The following TMEM51 variants were observed in gnomAD, a reference collection of about 807,000 sequenced individuals.
The protein encoded by TMEM51 is transmembrane protein 51.
A neutral mutation model predicts 13.6 loss-of-function variants in TMEM51; 8 were observed. The ratio of observed to expected loss-of-function variants is 0.59; its 90% confidence interval spans 0.35 to 1.07. TMEM51 has a LOEUF of 1.07. Ranked by LOEUF, TMEM51 falls within the 50% of genes least tolerant of loss-of-function variation. The probability of loss-of-function intolerance (pLI) is 0.02; values close to 1 mark genes in which losing one functional copy is unlikely to be tolerated. For missense variants in TMEM51, 279 were observed against 330.7 expected, an observed-to-expected ratio of 0.84 and a Z score of 1.21; for synonymous variants, 147 against 144.4, an observed-to-expected ratio of 1.02 and a Z score of -0.13.
rs1440728650 is a variant in TMEM51 at position 15,171,009 on chromosome 1, C to T, written c.-267+17055C>T. ...TCCCTAGAGGCAGGTTTTCTAAATG[C>T]TTGCATGAGTGGTTCTCCATCTTCA... On this transcript the variant is annotated intron_variant, in intron 1 of 3. Coordinates refer to ENST00000376008, the MANE Select transcript of TMEM51 (RefSeq NM_001136218.2). Among the ~76,000 whole-genome samples the T allele has an allele frequency of 3.3e-5, 5 of 152,174 alleles. No homozygotes were observed. The South Asian group carries it at 1.0e-3, about 32-fold the overall frequency.
At chr1:15,198,259 T>A (rs1239453554) in intron 1 of TMEM51, among the ~76,000 whole-genome samples, 1 of 152,134 alleles carries the variant, frequency 6.6e-6, no homozygotes, top group East Asian at 1.9e-4. Context: ...CCTGCTTATA[T>A]CCCATTGGCC....
chr1:15,204,626 A>G (rs1363284866), intron 1 of TMEM51, among the ~76,000 whole-genome samples: 1 of 152,190 alleles, frequency 6.6e-6, no homozygotes, highest in Non-Finnish European at 1.5e-5. Context: ...GGCCTAAACA[A>G]GGGGCTTTGT....
At chr1:15,203,345 C>T (rs540069161) in intron 1 of TMEM51, among the ~76,000 whole-genome samples, 4 of 152,250 alleles carry the variant, frequency 2.6e-5, no homozygotes, top group African/African-American at 9.6e-5. Flanking sequence ...ACCTCCGCCT[C>T]CCTGGTTCAA....
chr1:15,185,116 A>T (rs184038952), intron 1 of TMEM51, among the ~76,000 whole-genome samples: 46 of 151,648 alleles, frequency 3.0e-4, no homozygotes, highest in Non-Finnish European at 5.6e-4. Flanking sequence ...TTCTGTGCGT[A>T]TACGCAGATT....
At chr1:15,212,952 C>T (rs1213977141) in intron 2 of TMEM51, among the ~76,000 whole-genome samples, 1 of 152,246 alleles carries the variant, frequency 6.6e-6, no homozygotes, top group South Asian at 2.1e-4. Context: ...CCAGTGCGTT[C>T]ACGCACGTGC....
chr1:15,201,565 G>T (rs537347669), intron 1 of TMEM51, among the ~76,000 whole-genome samples: 10 of 152,246 alleles, frequency 6.6e-5, no homozygotes, highest in Admixed American at 6.5e-4. Context: ...GTTGGAAAAA[G>T]AATCAAGTGT....
In TMEM51 at chr1:15,164,292, G is replaced by A. The variant is rs981775052; in HGVS notation, c.-267+10338G>A. On this transcript the variant is annotated intron_variant, in intron 1 of 3. Transcript: ENST00000376008. ...ATGCCACATTGCATTTGGTCATCTT[G>A]TCTCCTTAGTATCTTCTGAACTGTG... 9.4e-5 allele frequency: 42 copies of A among 445,298 alleles called. No homozygotes were observed. In the Middle Eastern group the frequency reaches 1.3e-3, roughly 14 times the overall value. 27.6% of individuals were successfully genotyped at this position (445,298 alleles called of 1,614,324 possible).
At chr1:15,208,745 T>C (rs867753637) in intron 1 of TMEM51, among the ~76,000 whole-genome samples, 29 of 151,858 alleles carry the variant, frequency 1.9e-4, no homozygotes, top group Admixed American at 6.6e-4. Flanking sequence ...TTGGTGCCAA[T>C]GAGGAGCAGA....
rs182744241 is a variant in TMEM51, at chr1:15,168,318, A to C, written c.-267+14364A>C. On this transcript the variant is annotated intron_variant, in intron 1 of 3. Coordinates refer to ENST00000376008, the MANE Select transcript of TMEM51 (RefSeq NM_001136218.2). ...TTTCTGTGGCAGGTCAGTAGCTTTC[A>C]TCAGATTCTCAAAGGGGTCTGTGCA... Among the ~76,000 whole-genome samples the C allele has an allele frequency of 2.5e-3, 379 of 152,276 alleles. 3 individuals carry two copies. Among genetic ancestry groups the C allele is most frequent in the African/African-American group, 8.9e-3 (368 of 41,562 alleles).
chr1:15,217,205 A>G (rs1266026281), intron 3 of TMEM51, among the ~76,000 whole-genome samples: 2 of 152,154 alleles, frequency 1.3e-5, no homozygotes, highest in Non-Finnish European at 2.9e-5. Flanking sequence ...AGAAAAAAAA[A>G]TCTCATTATA....
chr1:15,214,949 C>G lies in TMEM51; in HGVS notation c.-139C>G. Reference sequence around the variant, plus strand: ...GGCCTCGCGATTGCTCGGAACCATCCCGCAGGAGTTCAGCTGATATTTTCT... The same window carrying G: ...GGCCTCGCGATTGCTCGGAACCATCGCGCAGGAGTTCAGCTGATATTTTCT... On this transcript the variant is annotated 5_prime_UTR_variant, in exon 3 of 4. Transcript: ENST00000376008. 2.4e-6 allele frequency: 2 copies of G among 845,136 alleles called. No individual in the cohort carries two copies. Among genetic ancestry groups the G allele is most frequent in the Non-Finnish European group, 3.6e-6 (2 of 558,786 alleles). 52.4% of individuals were successfully genotyped at this position (845,136 alleles called of 1,614,324 possible). A position where few individuals can be genotyped will look rare whatever the true frequency, so the allele number is the denominator to read the frequency against.
Position 15,219,921 on chromosome 1 carries a change from A to G in TMEM51, c.*178A>G. 1 of 662,882 alleles carries G rather than the reference A, an allele frequency of 1.5e-6. No individual in the cohort carries two copies. Among genetic ancestry groups the G allele is most frequent in the Non-Finnish European group, 2.5e-6 (1 of 398,358 alleles). The allele number at this position is 662,882 out of a possible 1,614,324, so 41.1% of individuals were successfully genotyped here. ...CAGGAGTGACTTTGTTGCCCCACAC[A>G]GCCTCCTGCTGCAGGTGCTTTGGAA... is the stretch of plus-strand genomic sequence containing the variant. On this transcript the variant is annotated 3_prime_UTR_variant, in exon 4 of 4. Transcript: ENST00000376008.
intron 2 of TMEM51, among the ~76,000 whole-genome samples, chr1:15,213,402 C>T (rs114984343): frequency 0.017 from 2,583 of 152,282 alleles, 38 homozygotes; most frequent in Non-Finnish European, 0.024. Context: ...GTCATCCTTT[C>T]GGAGAGACTG....
chr1:15,174,859 A>G (rs537921693), intron 1 of TMEM51, among the ~76,000 whole-genome samples: 347 of 152,208 alleles, frequency 2.3e-3, no homozygotes, highest in African/African-American at 8.1e-3. Context: ...CTCTTTTATA[A>G]GGGCACTAAT....
Position 15,214,919 on chromosome 1 carries a change from C to T in TMEM51, c.-169C>T, listed in dbSNP as rs1195728997. ...GGCCCTTCCACCGCAGCCATCCGCA[C>T]GGGAGGCCTCGCGATTGCTCGGAAC... On this transcript the variant is annotated 5_prime_UTR_variant, in exon 3 of 4. It adds an upstream start codon to the 5' untranslated region. Transcript: ENST00000376008. 2.0e-5 allele frequency: 13 copies of T among 655,466 alleles called. No homozygotes were observed. Among genetic ancestry groups the T allele is most frequent in the Non-Finnish European group, 3.3e-5 (13 of 390,720 alleles). 40.6% of individuals were successfully genotyped at this position (655,466 alleles called of 1,614,324 possible).
intron 1 of TMEM51, among the ~76,000 whole-genome samples, chr1:15,186,664 T>C (rs1202960743): frequency 6.6e-6 from 1 of 151,556 alleles, no homozygotes; most frequent in African/African-American, 2.4e-5. Flanking sequence ...CTGAGGGGAG[T>C]GGCAGGCACT....
At position 15,215,470 on chromosome 1, in the gene TMEM51, A is replaced by T. The variant is rs761797719; in HGVS notation, c.344+39A>T. 5.9e-6 allele frequency: 9 copies of T among 1,533,502 alleles called. No individual in the cohort carries two copies. The South Asian group carries it at 1.1e-4, about 19-fold the overall frequency. 95.0% of individuals were successfully genotyped at this position (1,533,502 alleles called of 1,614,324 possible). A position where few individuals can be genotyped will look rare whatever the true frequency, so the allele number is the denominator to read the frequency against. On this transcript the variant is annotated intron_variant, in intron 3 of 3. Coordinates refer to ENST00000376008, the MANE Select transcript of TMEM51 (RefSeq NM_001136218.2). Reference sequence around the variant, plus strand: ...GTCCCCTTCCCTCCCCGGATCGGGGATGGGCACGCACGCATGCACACACAT... The same window carrying T: ...GTCCCCTTCCCTCCCCGGATCGGGGTTGGGCACGCACGCATGCACACACAT...
intron 1 of TMEM51, among the ~76,000 whole-genome samples, chr1:15,173,294 A>T (rs1297243162): frequency 7.0e-6 from 1 of 142,864 alleles, no homozygotes; most frequent in African/African-American, 2.7e-5. Flanking sequence ...ATCTCGGCTC[A>T]CTACAACCTC....
chr1:15,189,701 C>T (rs1314068566), intron 1 of TMEM51, among the ~76,000 whole-genome samples: 2 of 152,192 alleles, frequency 1.3e-5, no homozygotes, highest in Non-Finnish European at 2.9e-5. Context: ...AGGGACAAGA[C>T]AGCAGCCAGG....
Sources: allele counts gnomAD v4.1 joint callset (sites outside exome capture counted in the v4.1 genomes callset), GRCh38; gene constraint gnomAD v4.1.1; transcripts MANE v1.5; gene names NCBI Gene and HGNC (gene_info 2026-07-23, HGNC 2026-07-21).